The following PCBD2 variants were observed in gnomAD, a reference collection of about 807,000 sequenced individuals.
PCBD2 encodes the protein pterin-4-alpha-carbinolamine dehydratase 2.
In PCBD2, 12 loss-of-function variants were observed where a neutral mutation model predicts 16.4. The ratio of observed to expected loss-of-function variants is 0.73; its 90% CI spans 0.47 to 1.19. The LOEUF is 1.19. Among genes scored for constraint, PCBD2 ranks in the 50% most tolerant of loss-of-function variants. The pLI is 0.00. For missense variants in PCBD2, 138 were observed against 156.8 expected (o/e 0.88, Z 0.64); for synonymous variants, 58 against 61.8 (o/e 0.94, Z 0.29).
At chr5:134,910,928 C>T (rs1368924843) in intron 2 of PCBD2, among the ~76,000 whole-genome samples, 1 of 152,136 alleles carries the variant, frequency 6.6e-6, no homozygotes, top group East Asian at 1.9e-4. Flanking sequence ...GTAGCTGGGA[C>T]TACAGGCATG....
intron 2 of PCBD2, chr5:134,925,854 G>A (rs1750985947): frequency 2.5e-6 from 1 of 393,960 alleles, no homozygotes; most frequent in African/African-American, 2.1e-5. Flanking sequence ...CACTTAGGAG[G>A]GTTATTTGTT....
At chr5:134,940,431 A>T (rs1271084733) in intron 2 of PCBD2, among the ~76,000 whole-genome samples, 2 of 149,042 alleles carry the variant, frequency 1.3e-5, no homozygotes, top group South Asian at 2.1e-4. Context: ...TGCAGCATAT[A>T]TATTTTTTTT....
At chr5:134,948,415 G>A (rs1751323092) in intron 2 of PCBD2, among the ~76,000 whole-genome samples, 1 of 152,102 alleles carries the variant, frequency 6.6e-6, no homozygotes, top group African/African-American at 2.4e-5. Flanking sequence ...CAGAAATGAA[G>A]GGCCTTTTGG....
chr5:134,924,646 G>T, intron 2 of PCBD2: 1 of 397,298 alleles, frequency 2.5e-6, no homozygotes, highest in Non-Finnish European at 4.4e-6. Context: ...CGGGGGAATA[G>T]ATTATGTGAT....
At chr5:134,910,201 A>G (rs530197918) in intron 1 of PCBD2, 134 bp from the exon 2 acceptor site, 1 of 981,896 alleles carries the variant, frequency 1.0e-6, no homozygotes, top group East Asian at 2.6e-5. Context: ...TCTTTAAGAG[A>G]ACAAAGGAAT....
At chr5:134,925,051 T>C in intron 2 of PCBD2, 1 of 395,144 alleles carries the variant, frequency 2.5e-6, no homozygotes, top group Non-Finnish European at 4.5e-6. Context: ...GAGAATGCTG[T>C]TGGTGATGAG....
At chr5:134,933,040 A>G (rs1488563529) in intron 2 of PCBD2, among the ~76,000 whole-genome samples, 1 of 152,152 alleles carries the variant, frequency 6.6e-6, no homozygotes, top group African/African-American at 2.4e-5. Context: ...TATAATTTGG[A>G]AAACAGAAAA....
intron 2 of PCBD2, chr5:134,924,091 C>A (rs1245409853): frequency 2.5e-6 from 1 of 397,542 alleles, no homozygotes. Flanking sequence ...TTTTTCATAT[C>A]ATTGGTCGTG....
At chr5:134,911,115 G>A (rs1750764085) in intron 2 of PCBD2, among the ~76,000 whole-genome samples, 2 of 152,192 alleles carry the variant, frequency 1.3e-5, no homozygotes, top group South Asian at 4.1e-4. Flanking sequence ...TCAGAAAGGG[G>A]CATGAATAAA....
At chr5:134,909,263 T>G (rs1750735973) in intron 1 of PCBD2, among the ~76,000 whole-genome samples, 1 of 152,214 alleles carries the variant, frequency 6.6e-6, no homozygotes, top group African/African-American at 2.4e-5. Context: ...TTTGTCTGAC[T>G]GGTGCTCTGA....
At chr5:134,925,327 A>G in intron 2 of PCBD2, 2 of 398,382 alleles carry the variant, frequency 5.0e-6, no homozygotes, top group Non-Finnish European at 8.8e-6. Flanking sequence ...TGCCAATGCT[A>G]GGTTGCCAAT....
chr5:134,951,482 C>G (rs1751358137), intron 2 of PCBD2, among the ~76,000 whole-genome samples: 1 of 152,118 alleles, frequency 6.6e-6, no homozygotes, highest in South Asian at 2.1e-4. Flanking sequence ...CTGCAATTAC[C>G]TTTCTTGTAA....
At chr5:134,950,986 A>G (rs1220440953) in intron 2 of PCBD2, among the ~76,000 whole-genome samples, 1 of 152,228 alleles carries the variant, frequency 6.6e-6, no homozygotes, top group East Asian at 1.9e-4. Context: ...CAGGTTATGT[A>G]CATTAAAGGA....
intron 2 of PCBD2, among the ~76,000 whole-genome samples, chr5:134,946,669 C>T (rs1751298938): frequency 1.3e-5 from 2 of 152,300 alleles, no homozygotes; most frequent in South Asian, 4.1e-4. Flanking sequence ...CTCTATTTTA[C>T]AAAATGTGTA....
chr5:134,940,392 G>T (rs1195364303), intron 2 of PCBD2, among the ~76,000 whole-genome samples: 1 of 151,812 alleles, frequency 6.6e-6, no homozygotes, highest in African/African-American at 2.4e-5. Flanking sequence ...GTTTATTTCT[G>T]ACCTTGTGCC....
rs1423525188 is a variant in PCBD2 at position 134,960,813 on chromosome 5, C to T, written c.*132C>T. Reference sequence around the variant, plus strand: ...ACAGAGTGTTGCTCTGTCGCCCAGGCCAGAGTGCAGTGGTATGATCTCGGC... The same window carrying T: ...ACAGAGTGTTGCTCTGTCGCCCAGGTCAGAGTGCAGTGGTATGATCTCGGC... On this transcript the variant is annotated 3_prime_UTR_variant, in exon 4 of 4. Transcript: ENST00000254908. The T allele has an allele frequency of 4.1e-6, 3 of 727,220 alleles. No homozygotes were observed. Among genetic ancestry groups the T allele is most frequent in the South Asian group, 1.8e-5 (1 of 56,122 alleles). The allele number at this position is 727,220 out of a possible 1,614,324, so 45.0% of individuals were successfully genotyped here.
chr5:134,936,850 C>T lies in PCBD2; in HGVS notation c.217-22190C>T, dbSNP rs554916113. Among the ~76,000 whole-genome samples, 7 of 152,302 alleles carry T rather than the reference C, an allele frequency of 4.6e-5. No individual in the cohort carries two copies. The South Asian group carries it at 1.2e-3, about 27-fold the overall frequency. On this transcript the variant is annotated intron_variant, in intron 2 of 3. Coordinates refer to ENST00000254908, the MANE Select transcript of PCBD2 (RefSeq NM_032151.5). The stretch of plus-strand genomic sequence containing the variant: ...AGACCTGCTTGTTTTCAGGGAGAAG[C>T]ATTATTTCTCTCTTCAACTCAGAGA...
At chr5:134,959,954 G>A (rs1218846184) in intron 3 of PCBD2, among the ~76,000 whole-genome samples, 4 of 139,216 alleles carry the variant, frequency 2.9e-5, no homozygotes, top group African/African-American at 8.2e-5. Flanking sequence ...GCAGTGCTGC[G>A]ATCTCAGCTC....
chr5:134,927,176 T>C (rs1347220130), intron 2 of PCBD2: 7 of 398,434 alleles, frequency 1.8e-5, no homozygotes, highest in Non-Finnish European at 2.7e-5. Flanking sequence ...TTGAAGAGTA[T>C]GCAATGAGCG....
Sources: allele counts gnomAD v4.1 joint callset (sites outside exome capture counted in the v4.1 genomes callset), GRCh38; gene constraint gnomAD v4.1.1; transcripts MANE v1.5; gene names NCBI Gene and HGNC (gene_info 2026-07-23, HGNC 2026-07-21).